CACNA2D3: variants seen among roughly 807,000 people sequenced by gnomAD.
The protein encoded by CACNA2D3 is voltage-dependent calcium channel subunit alpha-2/delta-3.
CACNA2D3 carries 60 observed loss-of-function variants against 160.6 expected under a neutral mutation model. The observed-to-expected ratio is 0.37, with a 90% CI of 0.30 to 0.46. The LOEUF (loss-of-function observed/expected upper bound fraction) is 0.46, where lower values mean the gene tolerates loss of function less well. Among genes scored for constraint, CACNA2D3 ranks in the 20% least tolerant of loss-of-function variants. CACNA2D3 has a pLI of 1.00. For missense variants in CACNA2D3, 1,205 were observed against 1,365.0 expected (o/e 0.88, Z 1.85); for synonymous variants, 558 against 492.9 (o/e 1.13, Z -1.75).
intron 5 of CACNA2D3, among the ~76,000 whole-genome samples, chr3:54,552,449 C>T (rs74658900): frequency 5.9e-5 from 9 of 152,162 alleles, no homozygotes; most frequent in Non-Finnish European, 1.2e-4. Flanking sequence ...TCTCCCACCC[C>T]CTGTGTACTG....
intron 2 of CACNA2D3, among the ~76,000 whole-genome samples, chr3:54,189,249 G>C (rs1227223462): frequency 6.6e-6 from 1 of 152,168 alleles, no homozygotes; most frequent in Non-Finnish European, 1.5e-5. Flanking sequence ...ATATTTGCTT[G>C]GATAGTCATA....
chr3:54,952,610 C>T (rs988969438), intron 27 of CACNA2D3, among the ~76,000 whole-genome samples: 5 of 152,148 alleles, frequency 3.3e-5, no homozygotes, highest in African/African-American at 9.7e-5. Flanking sequence ...AGGTGAGTCC[C>T]TTTGGCTCAT....
chr3:54,610,945 A>G (rs1015445701), intron 9 of CACNA2D3, among the ~76,000 whole-genome samples: 3 of 151,958 alleles, frequency 2.0e-5, no homozygotes, highest in Non-Finnish European at 4.4e-5. Flanking sequence ...TTTTTTTTCA[A>G]ATACCTCTTC....
At chr3:54,303,784 A>G (rs1397968346) in intron 2 of CACNA2D3, among the ~76,000 whole-genome samples, 1 of 148,430 alleles carries the variant, frequency 6.7e-6, no homozygotes, top group Non-Finnish European at 1.5e-5. Context: ...TTTGGTGTGC[A>G]TCTGCTGTCA....
intron 11 of CACNA2D3, among the ~76,000 whole-genome samples, chr3:54,646,195 CTTCCTT>C (rs1699646056): frequency 1.8e-4 from 1 of 5,418 alleles, no homozygotes; most frequent in Admixed American, 2.5e-3. Flanking sequence ...TCCTTCCTTG[CTTCCTT>C]CCTTCCTTCC....
At chr3:54,847,143 C>T (rs902580957) in intron 17 of CACNA2D3, among the ~76,000 whole-genome samples, 3 of 152,250 alleles carry the variant, frequency 2.0e-5, no homozygotes, top group African/African-American at 7.2e-5. Flanking sequence ...ACCCACATCC[C>T]TGGGCAAGGC....
intron 11 of CACNA2D3, among the ~76,000 whole-genome samples, chr3:54,699,573 G>A (rs1700728557): frequency 6.6e-6 from 1 of 152,006 alleles, no homozygotes; most frequent in Admixed American, 6.6e-5. Context: ...TATCTTCTCC[G>A]TGAGACTAGC....
chr3:54,426,323 G>A (rs546410782), intron 4 of CACNA2D3, among the ~76,000 whole-genome samples: 51 of 152,162 alleles, frequency 3.4e-4, no homozygotes, highest in Non-Finnish European at 6.6e-4. Context: ...TCTAAGTTAT[G>A]TTGTTGTTCT....
intron 34 of CACNA2D3, among the ~76,000 whole-genome samples, chr3:55,011,242 G>A (rs1282196418): frequency 1.3e-5 from 2 of 152,174 alleles, no homozygotes; most frequent in Non-Finnish European, 2.9e-5. Flanking sequence ...AGTGGAGCAG[G>A]GCCCCTGTGT....
intron 31 of CACNA2D3, among the ~76,000 whole-genome samples, chr3:54,992,915 G>A (rs1466107533): frequency 2.0e-5 from 3 of 152,140 alleles, no homozygotes; most frequent in Non-Finnish European, 2.9e-5. Flanking sequence ...CAACCATCAC[G>A]GATGGTGAAG....
intron 35 of CACNA2D3, among the ~76,000 whole-genome samples, chr3:55,045,447 T>A (rs1359420992): frequency 6.6e-6 from 1 of 152,226 alleles, no homozygotes; most frequent in Non-Finnish European, 1.5e-5. Context: ...TCTTTTATAT[T>A]CTAGAAGATT....
intron 13 of CACNA2D3, among the ~76,000 whole-genome samples, chr3:54,766,536 A>G (rs1702227628): frequency 6.6e-6 from 1 of 152,192 alleles, no homozygotes. Flanking sequence ...AAATGGGGCA[A>G]TCTCTATGGA....
chr3:54,442,677 G>A (rs563759018), intron 4 of CACNA2D3, among the ~76,000 whole-genome samples: 1 of 152,290 alleles, frequency 6.6e-6, no homozygotes, highest in South Asian at 2.1e-4. Flanking sequence ...AAGAATTCAT[G>A]CTGTGTGGTT....
intron 4 of CACNA2D3, among the ~76,000 whole-genome samples, chr3:54,407,903 G>C (rs910337038): frequency 1.3e-5 from 2 of 152,082 alleles, no homozygotes; most frequent in Non-Finnish European, 2.9e-5. Flanking sequence ...ATCCGTAAAA[G>C]GATGCACTTA....
intron 31 of CACNA2D3, among the ~76,000 whole-genome samples, chr3:55,003,105 C>G (rs1216531298): frequency 2.0e-5 from 3 of 152,278 alleles, no homozygotes; most frequent in South Asian, 4.1e-4. Context: ...ACAGGTCTTT[C>G]CGAGCACAGC....
At chr3:54,644,552 G>C (rs1448885560) in intron 11 of CACNA2D3, among the ~76,000 whole-genome samples, 1 of 152,170 alleles carries the variant, frequency 6.6e-6, no homozygotes, top group Non-Finnish European at 1.5e-5. Context: ...CCATTATTTT[G>C]AATGTTAGCT....
intron 5 of CACNA2D3, among the ~76,000 whole-genome samples, chr3:54,552,555 A>G (rs1351854921): frequency 6.6e-6 from 1 of 152,170 alleles, no homozygotes; most frequent in Non-Finnish European, 1.5e-5. Context: ...AATGTACTAT[A>G]GCAATGGACT....
chr3:54,859,952 A>T, intron 17 of CACNA2D3, among the ~76,000 whole-genome samples: 1 of 146,842 alleles, frequency 6.8e-6, no homozygotes, highest in Admixed American at 6.8e-5. Context: ...CAAATTTAGA[A>T]CATCATCTGG....
chr3:54,582,909 A>G (rs1468175115), intron 9 of CACNA2D3, among the ~76,000 whole-genome samples: 1 of 152,198 alleles, frequency 6.6e-6, no homozygotes, highest in Non-Finnish European at 1.5e-5. Flanking sequence ...AATACACTAG[A>G]GTTAATATCT....
Sources: gnomAD v4.1 joint callset for allele counts (sites outside exome capture counted in the v4.1 genomes callset) on GRCh38, gnomAD v4.1.1 for gene constraint, MANE v1.5 for transcripts, NCBI Gene and HGNC (gene_info 2026-07-23, HGNC 2026-07-21) for gene names.